The following DPP6 variants were observed in gnomAD, a reference collection of about 807,000 sequenced individuals.
The protein encoded by DPP6 is dipeptidyl peptidase like 6.
In DPP6, 69 loss-of-function variants were observed where a neutral mutation model predicts 122.6. The observed-to-expected ratio is 0.56, with a 90% CI of 0.46 to 0.69. The LOEUF (loss-of-function observed/expected upper bound fraction) is 0.69. DPP6 is among the 30% of genes least tolerant of loss of function. DPP6 has a pLI of 0.00. For synonymous variants in DPP6, 418 were observed against 433.1 expected (o/e 0.97, Z 0.43); for missense variants, 928 against 1,116.9 (o/e 0.83, Z 2.41).
At chr7:154,073,551 T>C (rs10246124) in intron 1 of DPP6, among the ~76,000 whole-genome samples, 379 of 127,532 alleles carry the variant, frequency 3.0e-3, no homozygotes, top group South Asian at 8.5e-3. Flanking sequence ...AGTACTTTTC[T>C]ATACTTACCT....
chr7:154,582,969 G>A (rs1832177179), intron 5 of DPP6, among the ~76,000 whole-genome samples: 1 of 152,120 alleles, frequency 6.6e-6, no homozygotes, highest in Non-Finnish European at 1.5e-5. Flanking sequence ...AGATTGCAAG[G>A]TTTCTGCAGT....
intron 1 of DPP6, among the ~76,000 whole-genome samples, chr7:154,249,604 C>A (rs2150892751): frequency 6.6e-6 from 1 of 152,236 alleles, no homozygotes; most frequent in South Asian, 2.1e-4. Context: ...TTGTGCTTGT[C>A]TTGGCAGTGG....
At chr7:154,827,701 G>T (rs1317387442) in intron 16 of DPP6, among the ~76,000 whole-genome samples, 5 of 129,510 alleles carry the variant, frequency 3.9e-5, no homozygotes, top group African/African-American at 5.9e-5. Context: ...TGAGGAGGGG[G>T]TGTCTCCCAG....
intron 1 of DPP6, among the ~76,000 whole-genome samples, chr7:154,343,788 C>T (rs1434745484): frequency 1.3e-5 from 2 of 152,118 alleles, no homozygotes. Context: ...ACCATGTTGG[C>T]CAGGCTGGTA....
At position 154,787,375 on chromosome 7, in the gene DPP6, C is replaced by T. The variant is rs1211812319; in HGVS notation, c.1137-6704C>T. Among the ~76,000 whole-genome samples the T allele has an allele frequency of 2.6e-5, 4 of 151,476 alleles. No homozygotes were observed. In the East Asian group the frequency reaches 5.8e-4, roughly 22 times the overall value. On this transcript the variant is annotated intron_variant, in intron 10 of 25. Transcript: ENST00000377770. ...CAACACCATCGATTGTGGAAGTCTT[C>T]CTTTCCCTACTGATTTGGAATGACA...
chr7:154,576,200 C>T (rs1233939754), intron 5 of DPP6, among the ~76,000 whole-genome samples: 2 of 152,108 alleles, frequency 1.3e-5, no homozygotes, highest in African/African-American at 4.8e-5. Context: ...CTGGTCTGCA[C>T]AGCGTGGCCA....
At chr7:154,782,201 AT>A (rs1441396384) in intron 10 of DPP6, among the ~76,000 whole-genome samples, 2 of 152,164 alleles carry the variant, frequency 1.3e-5, no homozygotes, top group Admixed American at 1.3e-4. Flanking sequence ...GCATCAGTGC[AT>A]TGGTAGGCAG....
At chr7:153,781,082 G>A in the DPP6 span, among the ~76,000 whole-genome samples, 1 of 152,186 alleles carries the variant, frequency 6.6e-6, no homozygotes, top group Non-Finnish European at 1.5e-5. Context: ...GACCGTTTTA[G>A]TCACTTAGGT....
In DPP6 at chr7:154,172,605, C is replaced by CTT. The variant is rs539600568; in HGVS notation, c.243+119556_243+119557dup. 2.8e-3 allele frequency among the ~76,000 whole-genome samples: 382 copies of CTT among 137,384 alleles called. 1 individual carries two copies. The highest frequency in any genetic ancestry group is 9.7e-3 in the African/African-American group (356 of 36,716). 90.1% of individuals were successfully genotyped at this position (137,384 alleles called of 152,430 possible). On this transcript the variant is annotated intron_variant, in intron 1 of 25. Coordinates refer to ENST00000377770, the MANE Select transcript of DPP6 (RefSeq NM_130797.4). ...TGTCTCTTCTAAAGTCTTTTTTTTT[C>CTT]TTTTTTTTTTTTTTTGAGACAGGGT...
At chr7:154,239,564 TA>T (rs990754287) in intron 1 of DPP6, among the ~76,000 whole-genome samples, 10 of 149,410 alleles carry the variant, frequency 6.7e-5, no homozygotes, top group African/African-American at 2.3e-4. Context: ...CACTTTATTG[TA>T]AGATCACAGT....
chr7:154,762,529 T>C (rs1795622261), intron 8 of DPP6, among the ~76,000 whole-genome samples: 1 of 152,234 alleles, frequency 6.6e-6, no homozygotes, highest in African/African-American at 2.4e-5. Flanking sequence ...CCCACGGCCT[T>C]CCGCAGTAGT....
At chr7:154,061,739 C>T (rs1406022144) in intron 1 of DPP6, among the ~76,000 whole-genome samples, 1 of 106,632 alleles carries the variant, frequency 9.4e-6, no homozygotes, top group Non-Finnish European at 2.1e-5. Flanking sequence ...TGCGAACCTC[C>T]CCCTTTCCTC....
chr7:153,770,298 GCAGT>G, the DPP6 span, among the ~76,000 whole-genome samples: 1 of 152,164 alleles, frequency 6.6e-6, no homozygotes, highest in African/African-American at 2.4e-5. Flanking sequence ...CAGAACCACA[GCAGT>G]CAGAGGAGAA....
intron 1 of DPP6, among the ~76,000 whole-genome samples, chr7:154,344,534 C>T (rs780760717): frequency 6.6e-5 from 10 of 152,114 alleles, no homozygotes; most frequent in Non-Finnish European, 1.5e-4. Context: ...GAAAATTGAG[C>T]TACCAGGGAA....
At chr7:154,599,751 A>G (rs1056193935) in intron 5 of DPP6, among the ~76,000 whole-genome samples, 13 of 150,632 alleles carry the variant, frequency 8.6e-5, no homozygotes, top group African/African-American at 2.0e-4. Flanking sequence ...ATTCCCACCT[A>G]TGACTGAGAA....
At chr7:154,281,879 C>T (rs1332718770) in intron 1 of DPP6, among the ~76,000 whole-genome samples, 2 of 152,158 alleles carry the variant, frequency 1.3e-5, no homozygotes, top group Non-Finnish European at 2.9e-5. Flanking sequence ...AGATACAAAC[C>T]ACCCTCATCT....
intron 1 of DPP6, among the ~76,000 whole-genome samples, chr7:154,129,094 C>A (rs983937235): frequency 3.3e-5 from 5 of 151,974 alleles, no homozygotes; most frequent in African/African-American, 1.2e-4. Flanking sequence ...CTGGGAAGTT[C>A]TTTCTACCCA....
chr7:154,687,341 A>G (rs1173129699), intron 7 of DPP6, among the ~76,000 whole-genome samples: 1 of 152,118 alleles, frequency 6.6e-6, no homozygotes, highest in Non-Finnish European at 1.5e-5. Context: ...TTAGTTTTCT[A>G]TTTTTAAATG....
intron 16 of DPP6, among the ~76,000 whole-genome samples, chr7:154,839,322 T>A (rs936836658): frequency 4.6e-5 from 7 of 152,178 alleles, no homozygotes; most frequent in Non-Finnish European, 1.0e-4. Context: ...CAGCCAACAC[T>A]GAACACTCAG....
Sources: allele counts gnomAD v4.1 joint callset (sites outside exome capture counted in the v4.1 genomes callset), GRCh38; gene constraint gnomAD v4.1.1; transcripts MANE v1.5; gene names NCBI Gene and HGNC (gene_info 2026-07-23, HGNC 2026-07-21).